The following USP42 variants were observed in gnomAD, a reference collection of about 807,000 sequenced individuals.
The protein encoded by USP42 is ubiquitin specific peptidase 42, also known as ubiquitin carboxyl-terminal hydrolase 42.
A neutral mutation model predicts 113.0 loss-of-function variants in USP42; 23 were observed. The ratio of observed to expected loss-of-function variants is 0.20; its 90% CI spans 0.15 to 0.29. The LOEUF (loss-of-function observed/expected upper bound fraction) is 0.29. Among genes scored for constraint, USP42 ranks in the 10% least tolerant of loss-of-function variants. The probability of loss-of-function intolerance (pLI) is 1.00; values close to 1 mark genes in which losing one functional copy is unlikely to be tolerated. For missense variants in USP42, 2,174 were observed against 1,779.8 expected (o/e 1.22, Z -3.99); for synonymous variants, 933 against 699.0 (o/e 1.33, Z -5.28).
At chr7:6,109,466 C>T in intron 1 of USP42, among the ~76,000 whole-genome samples, 1 of 152,166 alleles carries the variant, frequency 6.6e-6, no homozygotes. Flanking sequence ...GATCTCGGCT[C>T]ACTGCAATCT....
chr7:6,097,124 C>T, the USP42 span, among the ~76,000 whole-genome samples: 1 of 150,864 alleles, frequency 6.6e-6, no homozygotes, highest in Non-Finnish European at 1.5e-5. Context: ...TGCTACCAGA[C>T]AGCCCAGTTC....
intron 5 of USP42, 39 bp from the exon 6 acceptor site, chr7:6,140,089 C>T (rs1268439567): frequency 1.3e-6 from 2 of 1,592,232 alleles, no homozygotes; most frequent in African/African-American, 1.3e-5. Flanking sequence ...GGAGTTTTTG[C>T]AAAGCTCTTC....
Position 6,149,720 on chromosome 7 carries a change from T to A in USP42, c.1524T>A (p.Asn508Lys). Residue 508 changes from asparagine to lysine, a missense_variant, in exon 13 of 18, where the codon AAT (asparagine) becomes AAA (lysine). Physicochemically the swap from Asn to Lys is moderately conservative, Grantham distance 94. Coordinates refer to ENST00000306177, the MANE Select transcript of USP42 (RefSeq NM_032172.3). ...ASASVQNWSV[N>K]RSSVIPEHPK... Reference sequence around the variant, plus strand: ...CTTCTGTCCAAAACTGGTCAGTTAATAGGTCCTCAGTGATCCCAGAACATC... The same window carrying A: ...CTTCTGTCCAAAACTGGTCAGTTAAAAGGTCCTCAGTGATCCCAGAACATC... 6.2e-7 allele frequency: 1 copy of A among 1,614,028 alleles called. No individual in the cohort carries two copies.
chr7:6,154,726 A>G lies in USP42; in HGVS notation c.3172A>G (p.Arg1058Gly). 1 of 1,586,986 alleles carries G rather than the reference A, an allele frequency of 6.3e-7. No individual in the cohort carries two copies. Among genetic ancestry groups the G allele is most frequent in the Non-Finnish European group, 8.6e-7 (1 of 1,168,202 alleles). The part of the protein sequence containing the change: ...KFYPDRPRWD[R>G]CRYYHDRYAL... The stretch of plus-strand genomic sequence containing the variant: ...CTACCCCGACAGGCCGCGCTGGGAC[A>G]GGTGCCGGTACTACCATGACAGGTA... Residue 1058 changes from arginine to glycine, a missense_variant, in exon 15 of 18, where the codon AGG (arginine) becomes GGG (glycine). Arg to Gly is a moderately radical substitution (Grantham distance 125, BLOSUM62 -2). Coordinates refer to ENST00000306177, the MANE Select transcript of USP42 (RefSeq NM_032172.3).
chr7:6,136,382 C>T (rs1341001468), intron 4 of USP42, among the ~76,000 whole-genome samples: 13 of 152,158 alleles, frequency 8.5e-5, no homozygotes. Context: ...TACATTTTGT[C>T]GTACGTGGCT....
intron 12 of USP42, among the ~76,000 whole-genome samples, chr7:6,148,812 T>A (rs1781867016): frequency 1.3e-5 from 2 of 152,212 alleles, no homozygotes; most frequent in South Asian, 4.1e-4. Flanking sequence ...GAGTCACACA[T>A]CAAATGCCCA....
chr7:6,099,426 G>T, the USP42 span, among the ~76,000 whole-genome samples: 94 of 149,516 alleles, frequency 6.3e-4, 4 homozygotes, highest in Non-Finnish European at 1.3e-3. Context: ...GTGTTAGCCA[G>T]GATTGTCTCA....
At chr7:6,104,723 C>T (rs1349486959), upstream of USP42, among the ~76,000 whole-genome samples, 4 of 152,178 alleles carry the variant, frequency 2.6e-5, no homozygotes, top group East Asian at 7.7e-4. Flanking sequence ...GCCCGACCGG[C>T]GCTCTGGTGA....
At chr7:6,130,456 G>T (rs931109437) in intron 3 of USP42, among the ~76,000 whole-genome samples, 1 of 152,154 alleles carries the variant, frequency 6.6e-6, no homozygotes, top group Non-Finnish European at 1.5e-5. Context: ...AGGCCATAGT[G>T]GTGGCAGAGT....
At chr7:6,097,564 G>A in the USP42 span, among the ~76,000 whole-genome samples, 2 of 150,110 alleles carry the variant, frequency 1.3e-5, no homozygotes, top group South Asian at 2.1e-4. Context: ...AAGCCACTGC[G>A]CCCAGCCATG....
At chr7:6,143,042 A>T in intron 8 of USP42, 28 bp downstream of exon 8, 1 of 1,612,432 alleles carries the variant, frequency 6.2e-7, no homozygotes, top group Non-Finnish European at 8.5e-7. Flanking sequence ...TTGATTCTTG[A>T]TGCCGGCTTC....
Position 6,111,160 on chromosome 7 carries a change from A to G in USP42, c.27A>G (p.Glu9=). ...TGACCATAGTTGACAAAGCTTCTGAATCTTCAGACCCATCAGCCTATCAGA... is the reference window on the plus strand; with the variant it reads ...TGACCATAGTTGACAAAGCTTCTGAGTCTTCAGACCCATCAGCCTATCAGA... The part of the protein sequence containing the change: MTIVDKAS[E]SSDPSAYQNQ... Residue 9 remains glutamate (E), a synonymous_variant, in exon 2 of 18, where the codon GAA becomes GAG. Transcript: ENST00000306177. The G allele has an allele frequency of 2.5e-6, 4 of 1,612,936 alleles. No homozygotes were observed. The South Asian group carries it at 4.4e-5, about 18-fold the overall frequency.
chr7:6,119,187 C>T (rs907707021), intron 3 of USP42, among the ~76,000 whole-genome samples: 3 of 152,136 alleles, frequency 2.0e-5, no homozygotes, highest in Non-Finnish European at 4.4e-5. Context: ...TGTATTACAG[C>T]CTGAGTGATA....
At chr7:6,141,451 C>T (rs1306301704) in intron 7 of USP42, among the ~76,000 whole-genome samples, 1 of 152,104 alleles carries the variant, frequency 6.6e-6, no homozygotes, top group African/African-American at 2.4e-5. Context: ...ATCTGCCCAC[C>T]TCCCAAAGTG....
At chr7:6,144,029 C>T in intron 8 of USP42, 56 bp from the exon 9 acceptor site, 2 of 1,173,218 alleles carry the variant, frequency 1.7e-6, no homozygotes, top group Non-Finnish European at 1.2e-6. Flanking sequence ...ACCAAAATAC[C>T]ACAAATTGTG....
chr7:6,132,503 G>A (rs1583629665), intron 3 of USP42, among the ~76,000 whole-genome samples: 2 of 151,324 alleles, frequency 1.3e-5, no homozygotes, highest in African/African-American at 4.9e-5. Context: ...GGTTACAGGC[G>A]CACACCACCA....
chr7:6,083,402 C>T, the USP42 span, among the ~76,000 whole-genome samples: 2 of 150,166 alleles, frequency 1.3e-5, no homozygotes, highest in Non-Finnish European at 2.9e-5. Context: ...ATTACAGGCA[C>T]TTGCCACCAT....
intron 8 of USP42, 49 bp from the exon 9 acceptor site, chr7:6,144,036 T>G (rs778294038): frequency 7.4e-6 from 9 of 1,214,370 alleles, no homozygotes; most frequent in Non-Finnish European, 1.0e-5. Context: ...TACCACAAAT[T>G]GTGTGTATAT....
At chr7:6,084,512 C>G in the USP42 span, 3 of 151,300 alleles carry the variant, frequency 2.0e-5, no homozygotes, top group African/African-American at 7.4e-5. Context: ...CCTCTTTTGT[C>G]CAGCCTTGCC....
Sources: allele counts gnomAD v4.1 joint callset (sites outside exome capture counted in the v4.1 genomes callset), GRCh38; gene constraint gnomAD v4.1.1; transcripts MANE v1.5; gene names NCBI Gene and HGNC (gene_info 2026-07-23, HGNC 2026-07-21).